Variants in LAMC1 observed in about 807,000 individuals in gnomAD.
LAMC1 encodes laminin subunit gamma-1.
In LAMC1, 38 loss-of-function variants were observed where a neutral mutation model predicts 173.6. The ratio of observed to expected loss-of-function variants is 0.22; its 90% CI spans 0.17 to 0.29. The LOEUF is 0.29. LAMC1 is among the 10% of genes least tolerant of loss of function. The pLI is 1.00. For synonymous variants in LAMC1, 746 were observed against 749.1 expected, an observed-to-expected ratio of 1.00 and a Z score of 0.07; for missense variants, 1,824 against 2,051.8, an observed-to-expected ratio of 0.89 and a Z score of 2.14.
intron 22 of LAMC1, 95 bp from the exon 23 acceptor site, chr1:183,134,562 TATC>T: frequency 5.4e-6 from 5 of 928,730 alleles, no homozygotes; most frequent in Middle Eastern, 6.3e-4. Context: ...CTTTTAAAAA[TATC>T]ATTGAGTATT....
At chr1:183,105,711 C>A (rs1655962386) in intron 2 of LAMC1, among the ~76,000 whole-genome samples, 2 of 152,024 alleles carry the variant, frequency 1.3e-5, no homozygotes, top group Non-Finnish European at 2.9e-5. Flanking sequence ...AGTTACGTGT[C>A]TCTGGATGTA....
At chr1:183,127,433 TC>T in intron 17 of LAMC1, 29 bp downstream of exon 17, 1 of 1,606,678 alleles carries the variant, frequency 6.2e-7, no homozygotes, top group Non-Finnish European at 8.5e-7. Flanking sequence ...ATTCATTCAT[TC>T]ATCCAGCAGA....
chr1:183,024,560 T>G (rs1299488897), intron 1 of LAMC1, among the ~76,000 whole-genome samples: 2 of 152,220 alleles, frequency 1.3e-5, no homozygotes, highest in East Asian at 3.8e-4. Flanking sequence ...TTTAAAATGT[T>G]TAGATGTCCT....
At chr1:183,028,347 C>T (rs1458752984) in intron 1 of LAMC1, among the ~76,000 whole-genome samples, 1 of 152,106 alleles carries the variant, frequency 6.6e-6, no homozygotes, top group Non-Finnish European at 1.5e-5. Context: ...AAATACATAC[C>T]ACTGTACCTG....
chr1:183,126,349 T>TCTAG, intron 16 of LAMC1, 87 bp downstream of exon 16: 1 of 1,385,660 alleles, frequency 7.2e-7, no homozygotes, highest in Non-Finnish European at 1.0e-6. Context: ...ACAGCCTCAG[T>TCTAG]CTAGCCACTT....
chr1:183,132,745 A>G (rs1428345922), intron 21 of LAMC1, among the ~76,000 whole-genome samples: 1 of 152,230 alleles, frequency 6.6e-6, no homozygotes, highest in East Asian at 1.9e-4. Context: ...CTGTAACTAC[A>G]GAGAATAGTA....
intron 1 of LAMC1, among the ~76,000 whole-genome samples, chr1:183,062,638 C>CT (rs1393196181): frequency 6.6e-6 from 1 of 151,928 alleles, no homozygotes. Context: ...GAGCGAGACT[C>CT]TGTCTAAAAA....
In LAMC1 at chr1:183,115,583, A is replaced by G. The variant is rs1571450094; in HGVS notation, c.1274A>G (p.Asp425Gly). 1.9e-6 allele frequency: 3 copies of G among 1,613,974 alleles called. No individual in the cohort carries two copies. The Admixed American group carries it at 5.0e-5, about 27-fold the overall frequency. ...RCSCKPGVMGDKCDRCQPGFH... is the reference protein window; with the variant it reads ...RCSCKPGVMGGKCDRCQPGFH... ...AGCTGTAAGCCAGGAGTGATGGGGG[A>G]CAAATGTGACCGTTGCCAGCCTGGA... The change falls in exon 6 of 28, where the codon GAC becomes GGC. Residue 425 changes from aspartate (D) to glycine (G), a missense_variant. Asp to Gly is a moderately conservative substitution (Grantham distance 94). Transcript: ENST00000258341.
In LAMC1 at chr1:183,036,890, C is replaced by T. The variant is rs549858712; in HGVS notation, c.418+12756C>T. 2.6e-5 allele frequency among the ~76,000 whole-genome samples: 4 copies of T among 152,302 alleles called. No individual in the cohort carries two copies. In the South Asian group the frequency reaches 8.3e-4, roughly 32 times the overall value. The stretch of plus-strand genomic sequence containing the variant: ...TCCTGGGTTCAAGCAATTCTTCTGT[C>T]TCAGCCTCCTGAGTAGCTGGAATTA... On this transcript the variant is annotated intron_variant, in intron 1 of 27. Coordinates refer to ENST00000258341, the MANE Select transcript of LAMC1 (RefSeq NM_002293.4).
chr1:183,114,864 C>T, intron 5 of LAMC1, 145 bp downstream of exon 5: 1 of 806,440 alleles, frequency 1.2e-6, no homozygotes. Flanking sequence ...AGATCTGTCT[C>T]TACCCCATGC....
intron 1 of LAMC1, among the ~76,000 whole-genome samples, chr1:183,034,744 A>G (rs1337993622): frequency 6.6e-6 from 1 of 152,208 alleles, no homozygotes; most frequent in African/African-American, 2.4e-5. Flanking sequence ...TAGTTAGATA[A>G]TGGTGAAGGT....
chr1:183,094,900 A>G (rs1016383515), intron 1 of LAMC1, among the ~76,000 whole-genome samples: 3 of 150,866 alleles, frequency 2.0e-5, no homozygotes, highest in East Asian at 3.9e-4. Flanking sequence ...AAGCTGGAGT[A>G]CAGTAACACG....
intron 16 of LAMC1, among the ~76,000 whole-genome samples, 200 bp downstream of exon 16, chr1:183,126,462 G>A (rs967787429): frequency 1.3e-5 from 2 of 152,126 alleles, no homozygotes; most frequent in Non-Finnish European, 2.9e-5. Context: ...TGGTTTCTTT[G>A]TATGTTTTCT....
chr1:183,114,793 C>T (rs1656274109), intron 5 of LAMC1, 74 bp downstream of exon 5: 1 of 1,454,600 alleles, frequency 6.9e-7, no homozygotes, highest in East Asian at 2.3e-5. Flanking sequence ...GCTTTGTTTC[C>T]AAGGCATTTG....
At chr1:183,026,721 G>A (rs538789701) in intron 1 of LAMC1, among the ~76,000 whole-genome samples, 1 of 152,192 alleles carries the variant, frequency 6.6e-6, no homozygotes, top group Non-Finnish European at 1.5e-5. Flanking sequence ...ACTAGGTCTA[G>A]CCACCACTTT....
intron 1 of LAMC1, among the ~76,000 whole-genome samples, chr1:183,074,050 G>A (rs1390996040): frequency 6.6e-6 from 1 of 151,934 alleles, no homozygotes; most frequent in Non-Finnish European, 1.5e-5. Flanking sequence ...TATCTGATTT[G>A]GTATCAAAGT....
intron 1 of LAMC1, among the ~76,000 whole-genome samples, chr1:183,035,291 C>G (rs1161272722): frequency 4.6e-5 from 7 of 152,214 alleles, no homozygotes; most frequent in Non-Finnish European, 2.9e-5. Flanking sequence ...TGGGCTCAAA[C>G]AAACCTCCCA....
At chr1:183,083,184 A>G (rs954092525) in intron 1 of LAMC1, among the ~76,000 whole-genome samples, 11 of 152,208 alleles carry the variant, frequency 7.2e-5, no homozygotes, top group Admixed American at 2.6e-4. Context: ...TAGATTCCCT[A>G]CTATTGCCAT....
intron 1 of LAMC1, among the ~76,000 whole-genome samples, chr1:183,051,966 A>G (rs972837398): frequency 2.0e-5 from 3 of 152,162 alleles, no homozygotes. Flanking sequence ...ACAGTAGGAA[A>G]ACAAGCTATG....
Sources: allele counts gnomAD v4.1 joint callset (sites outside exome capture counted in the v4.1 genomes callset), GRCh38; gene constraint gnomAD v4.1.1; transcripts MANE v1.5; gene names NCBI Gene and HGNC (gene_info 2026-07-23, HGNC 2026-07-21).